CMPK1: variants seen among roughly 807,000 people sequenced by gnomAD.
CMPK1 encodes UMP-CMP kinase.
A neutral mutation model predicts 25.7 loss-of-function variants in CMPK1; 10 were observed. The ratio of observed to expected loss-of-function variants is 0.39; its 90% CI spans 0.24 to 0.66. The LOEUF (loss-of-function observed/expected upper bound fraction) is 0.66, where lower values mean the gene tolerates loss of function less well. Among genes scored for constraint, CMPK1 ranks in the 30% least tolerant of loss-of-function variants. The pLI, the probability that CMPK1 is intolerant of heterozygous loss-of-function variation, is 0.48. For missense variants in CMPK1, 199 were observed against 280.5 expected (o/e 0.71, Z 2.08); for synonymous variants, 106 against 101.5 (o/e 1.04, Z -0.27).
intron 1 of CMPK1, among the ~76,000 whole-genome samples, chr1:47,353,888 T>A (rs1646538873): frequency 6.6e-6 from 1 of 152,184 alleles, no homozygotes; most frequent in Non-Finnish European, 1.5e-5. Context: ...GGCTAATTTT[T>A]GTATTTTTAG....
chr1:47,343,128 A>T (rs1404044413), intron 1 of CMPK1, among the ~76,000 whole-genome samples: 1 of 151,582 alleles, frequency 6.6e-6, no homozygotes, highest in Non-Finnish European at 1.5e-5. Flanking sequence ...CTGAGAATAC[A>T]GGCACATGCC....
At chr1:47,347,435 C>T (rs1203437125) in intron 1 of CMPK1, among the ~76,000 whole-genome samples, 1 of 152,118 alleles carries the variant, frequency 6.6e-6, no homozygotes, top group Non-Finnish European at 1.5e-5. Context: ...TCTTGAACTC[C>T]TGGCCTCAAG....
chr1:47,346,842 C>T (rs1344650757), intron 1 of CMPK1, among the ~76,000 whole-genome samples: 1 of 151,024 alleles, frequency 6.6e-6, no homozygotes, highest in Non-Finnish European at 1.5e-5. Flanking sequence ...ATCTCTCCTC[C>T]TCACTCCTCT....
chr1:47,359,937 T>A, intron 1 of CMPK1, among the ~76,000 whole-genome samples: 1 of 152,224 alleles, frequency 6.6e-6, no homozygotes, highest in East Asian at 1.9e-4. Context: ...AAGAACTGAA[T>A]TAACTGATTC....
At chr1:47,340,383 C>T (rs1457210367) in intron 1 of CMPK1, among the ~76,000 whole-genome samples, 2 of 151,998 alleles carry the variant, frequency 1.3e-5, no homozygotes, top group Non-Finnish European at 2.9e-5. Context: ...ACGATCCTCC[C>T]ACCTCAGTCT....
intron 2 of CMPK1, among the ~76,000 whole-genome samples, chr1:47,370,622 CAG>C (rs1646671644): frequency 7.2e-6 from 1 of 139,686 alleles, no homozygotes; most frequent in African/African-American, 2.8e-5. Flanking sequence ...GGTTGGGTGA[CAG>C]AGTGAAACTC....
chr1:47,363,524 G>A (rs1646617875), intron 1 of CMPK1, among the ~76,000 whole-genome samples: 1 of 152,128 alleles, frequency 6.6e-6, no homozygotes, highest in Non-Finnish European at 1.5e-5. Context: ...TGTAGTACCA[G>A]CTACTTGGGA....
At chr1:47,373,671 C>T (rs1394517637) in intron 3 of CMPK1, among the ~76,000 whole-genome samples, 1 of 152,066 alleles carries the variant, frequency 6.6e-6, no homozygotes, top group African/African-American at 2.4e-5. Context: ...TGGCATATGC[C>T]TGTAATCCCA....
intron 1 of CMPK1, chr1:47,358,640 C>T: frequency 5.0e-6 from 5 of 993,020 alleles, no homozygotes; most frequent in African/African-American, 1.7e-5. Context: ...GTTATAAAAC[C>T]TTAAGCACTC....
rs190692415 is a variant in CMPK1, at chr1:47,361,338, G to A, written c.172-7131G>A. ...CAGGAGGCGGAGGTTGCAGTGAGCC[G>A]AGATCGCGCCACTGCACTCCAGCCT... On this transcript the variant is annotated intron_variant, in intron 1 of 5. Coordinates refer to ENST00000371873, the MANE Select transcript of CMPK1 (RefSeq NM_016308.3). Among the ~76,000 whole-genome samples, 1,112 of 152,240 alleles carry A rather than the reference G, an allele frequency of 7.3e-3. 4 individuals carry two copies. The highest frequency in any genetic ancestry group is 0.03 in the East Asian group (157 of 5,168).
chr1:47,346,828 C>T (rs1417990849), intron 1 of CMPK1, among the ~76,000 whole-genome samples: 3 of 141,858 alleles, frequency 2.1e-5, no homozygotes, highest in Non-Finnish European at 4.6e-5. Context: ...CTCTCCCCCT[C>T]CCCATCTCTC....
At chr1:47,351,019 A>G (rs768934923) in intron 1 of CMPK1, among the ~76,000 whole-genome samples, 2 of 152,084 alleles carry the variant, frequency 1.3e-5, no homozygotes, top group Non-Finnish European at 1.5e-5. Context: ...GGTACCTCAT[A>G]TAAGTAGAAT....
intron 1 of CMPK1, among the ~76,000 whole-genome samples, chr1:47,348,089 G>GACCTCCAA (rs1646497408): frequency 6.6e-6 from 1 of 152,104 alleles, no homozygotes; most frequent in Non-Finnish European, 1.5e-5. Flanking sequence ...AATCACTGAA[G>GACCTCCAA]ACCTCCAAAA....
intron 1 of CMPK1, among the ~76,000 whole-genome samples, chr1:47,343,186 C>T (rs553395804): frequency 5.1e-4 from 77 of 151,392 alleles, no homozygotes; most frequent in Middle Eastern, 6.8e-3. Flanking sequence ...GAGGTTTCAC[C>T]ATGTTGGTCA....
intron 1 of CMPK1, among the ~76,000 whole-genome samples, chr1:47,362,531 C>T (rs1432748860): frequency 6.6e-6 from 1 of 151,778 alleles, no homozygotes; most frequent in Non-Finnish European, 1.5e-5. Context: ...CGGCTCACTG[C>T]AACCTCCGCC....
At chr1:47,374,025 C>T (rs941844869) in intron 3 of CMPK1, among the ~76,000 whole-genome samples, 5 of 151,896 alleles carry the variant, frequency 3.3e-5, no homozygotes, top group African/African-American at 2.4e-5. Flanking sequence ...GTAAATGTGC[C>T]CCTGGTGGAG....
At chr1:47,368,803 A>AT (rs1646657455) in intron 2 of CMPK1, among the ~76,000 whole-genome samples, 188 bp downstream of exon 2, 1 of 152,248 alleles carries the variant, frequency 6.6e-6, no homozygotes, top group East Asian at 1.9e-4. Flanking sequence ...CTACAAAAAA[A>AT]TTTTTTAAAA....
chr1:47,353,559 G>A (rs929728626), intron 1 of CMPK1, among the ~76,000 whole-genome samples: 3 of 152,024 alleles, frequency 2.0e-5, no homozygotes, highest in African/African-American at 7.2e-5. Flanking sequence ...ATAAGTTTTT[G>A]ATTGTGCAGG....
intron 1 of CMPK1, among the ~76,000 whole-genome samples, chr1:47,351,073 A>G (rs1331455555): frequency 6.6e-6 from 1 of 151,774 alleles, no homozygotes; most frequent in Non-Finnish European, 1.5e-5. Flanking sequence ...TTTACTTAAC[A>G]TAATTTTTGT....
Sources: allele counts gnomAD v4.1 joint callset (sites outside exome capture counted in the v4.1 genomes callset), GRCh38; gene constraint gnomAD v4.1.1; transcripts MANE v1.5; gene names NCBI Gene and HGNC (gene_info 2026-07-23, HGNC 2026-07-21).